VAV3: variants seen among roughly 807,000 people sequenced by gnomAD.
VAV3 encodes the protein vav guanine nucleotide exchange factor 3, also known as guanine nucleotide exchange factor VAV3.
Under a neutral mutation model 131.2 loss-of-function variants are expected in VAV3, and 94 were observed. The ratio of observed to expected loss-of-function variants is 0.72; its 90% CI spans 0.61 to 0.85. The LOEUF (loss-of-function observed/expected upper bound fraction) is 0.85, where lower values mean the gene tolerates loss of function less well. Ranked by LOEUF, VAV3 falls within the 40% of genes least tolerant of loss-of-function variation. VAV3 has a pLI of 0.00. For missense variants in VAV3, 939 were observed against 1,002.7 expected (o/e 0.94, Z 0.86); for synonymous variants, 349 against 342.0 (o/e 1.02, Z -0.22).
chr1:107,615,817 T>A (rs112526196), intron 21 of VAV3, among the ~76,000 whole-genome samples: 2,576 of 152,134 alleles, frequency 0.017, 78 homozygotes, highest in African/African-American at 0.059. Context: ...AAAGAAGACA[T>A]ACATATAATT....
chr1:107,744,906 T>A (rs1354908423), intron 15 of VAV3, among the ~76,000 whole-genome samples: 1 of 152,210 alleles, frequency 6.6e-6, no homozygotes, highest in Non-Finnish European at 1.5e-5. Flanking sequence ...ATCAAACTTG[T>A]ACACATTTGC....
chr1:107,599,625 A>G (rs540974182), intron 24 of VAV3, among the ~76,000 whole-genome samples: 6 of 152,228 alleles, frequency 3.9e-5, no homozygotes, highest in Admixed American at 2.6e-4. Context: ...TTAATGACTA[A>G]GAAAGACAAA....
chr1:107,605,961 C>T (rs999630436), intron 22 of VAV3, among the ~76,000 whole-genome samples: 1 of 152,112 alleles, frequency 6.6e-6, no homozygotes, highest in African/African-American at 2.4e-5. Context: ...TCTCTGGAGC[C>T]TTTTCTTCTG....
rs143256751 is a variant in VAV3, at chr1:107,674,027, A to C, written c.1777+9461T>G. Among the ~76,000 whole-genome samples the C allele has an allele frequency of 1.2e-3, 190 of 152,328 alleles. 7 individuals are homozygous for C. In the East Asian group the frequency reaches 0.036, roughly 29 times the overall value. On this transcript the variant is annotated intron_variant, in intron 19 of 26. Transcript: ENST00000370056. ...AATAATACTTGGACAACAAATATCT[A>C]TTGTATTTCTGTCACTACTGCAGTT...
At chr1:107,756,751 GA>G (rs1664122691) in intron 11 of VAV3, among the ~76,000 whole-genome samples, 1 of 151,948 alleles carries the variant, frequency 6.6e-6, no homozygotes, top group South Asian at 2.1e-4. Flanking sequence ...TGAACAAACT[GA>G]AATTCACTTG....
intron 1 of VAV3, among the ~76,000 whole-genome samples, chr1:107,902,142 T>C (rs144433159): frequency 1.0e-3 from 159 of 152,318 alleles, no homozygotes; most frequent in African/African-American, 3.6e-3. Context: ...AAGCATGCCT[T>C]AAACTAAGAA....
intron 1 of VAV3, among the ~76,000 whole-genome samples, chr1:107,901,821 T>C (rs1475018232): frequency 6.6e-6 from 1 of 152,060 alleles, no homozygotes; most frequent in African/African-American, 2.4e-5. Flanking sequence ...GGCGGGTGGA[T>C]CACCTGAGGT....
intron 25 of VAV3, among the ~76,000 whole-genome samples, chr1:107,590,371 A>G (rs1650852262): frequency 6.6e-6 from 1 of 152,190 alleles, no homozygotes; most frequent in African/African-American, 2.4e-5. Flanking sequence ...GGCATGTGCA[A>G]AAGTACAATT....
rs141082361 is a variant in VAV3, at chr1:107,707,089, G to T, written c.1503-2028C>A. Among the ~76,000 whole-genome samples, 711 of 152,290 alleles carry T rather than the reference G, an allele frequency of 4.7e-3. 2 individuals are homozygous for T. Among genetic ancestry groups the T allele is most frequent in the Non-Finnish European group, 7.6e-3 (518 of 68,024 alleles). On this transcript the variant is annotated intron_variant, in intron 15 of 26. Transcript: ENST00000370056. ...TTACAAAAAAATTATGATGAAAAAGGTTCTGAAAATATTGTTAACAGTAGC... is the reference window on the plus strand; with the variant it reads ...TTACAAAAAAATTATGATGAAAAAGTTTCTGAAAATATTGTTAACAGTAGC...
chr1:107,753,493 T>TACACACATATATATAC lies in VAV3; in HGVS notation c.1173+1918_1173+1933dup, dbSNP rs772504104. 1.5e-4 allele frequency among the ~76,000 whole-genome samples: 17 copies of TACACACATATATATAC among 111,610 alleles called. 1 individual carries two copies. The highest frequency in any genetic ancestry group is 5.1e-4 in the African/African-American group (15 of 29,556). 73.2% of individuals were successfully genotyped at this position (111,610 alleles called of 152,430 possible). Reference sequence around the variant, plus strand: ...GTATGTATGTGTGTGTGTATATATATACACACATATATATACACACATATA... The same window carrying TACACACATATATATAC: ...GTATGTATGTGTGTGTGTATATATATACACACATATATATACACACACATATATATACACACATATA... On this transcript the variant is annotated intron_variant, in intron 12 of 26. Transcript: ENST00000370056.
chr1:107,625,628 G>A (rs140469741), intron 20 of VAV3, among the ~76,000 whole-genome samples: 3 of 152,272 alleles, frequency 2.0e-5, no homozygotes, highest in East Asian at 3.9e-4. Context: ...TCTTAGTGAC[G>A]TTTTTAACTC....
chr1:107,583,017 A>G (rs2101015600), intron 25 of VAV3, among the ~76,000 whole-genome samples: 1 of 152,272 alleles, frequency 6.6e-6, no homozygotes, highest in African/African-American at 2.4e-5. Context: ...GAACTAGTTT[A>G]CAGTCCCACC....
chr1:107,666,755 A>G (rs1199570420), intron 19 of VAV3, among the ~76,000 whole-genome samples: 1 of 152,036 alleles, frequency 6.6e-6, no homozygotes, highest in Non-Finnish European at 1.5e-5. Context: ...TATATAAATT[A>G]TGTGCCAGTC....
chr1:107,639,726 T>C (rs963816515), intron 20 of VAV3, among the ~76,000 whole-genome samples: 19 of 152,112 alleles, frequency 1.2e-4, no homozygotes, highest in African/African-American at 4.3e-4. Context: ...GGAGGGATGC[T>C]TGAGGCCAGG....
chr1:107,753,538 A>ATG lies in VAV3; in HGVS notation c.1173+1888_1173+1889insCA, dbSNP rs1362238322. ...CATATATATATATACGTATATATAT[A>ATG]TATATATATATACACACACACACTT... On this transcript the variant is annotated intron_variant, in intron 12 of 26. Transcript: ENST00000370056. 4.5e-3 allele frequency among the ~76,000 whole-genome samples: 418 copies of ATG among 93,090 alleles called. 2 individuals carry two copies. The highest frequency in any genetic ancestry group is 5.4e-3 in the Admixed American group (50 of 9,186). The allele number at this position is 93,090 out of a possible 152,430, so 61.1% of individuals were successfully genotyped here.
At position 107,642,762 on chromosome 1, in the gene VAV3, A is replaced by G; in HGVS notation, c.1778-7T>C. On this transcript the variant is annotated splice_polypyrimidine_tract_variant and splice_region_variant and intron_variant, in intron 19 of 26. Transcript: ENST00000370056. ...ACCTGCATCTTTGGTAAACCTGAAA[A>G]TAAGCCAAACAAGTTTTAGAATTGA... is the stretch of plus-strand genomic sequence containing the variant. 1 of 1,613,276 alleles carries G rather than the reference A, an allele frequency of 6.2e-7. No homozygotes were observed. Among genetic ancestry groups the G allele is most frequent in the Non-Finnish European group, 8.5e-7 (1 of 1,179,520 alleles).
intron 2 of VAV3, among the ~76,000 whole-genome samples, chr1:107,869,862 C>T (rs1468662774): frequency 6.6e-6 from 1 of 152,172 alleles, no homozygotes; most frequent in African/African-American, 2.4e-5. Context: ...ATCCTCATAG[C>T]TTAGCTCCCA....
intron 1 of VAV3, among the ~76,000 whole-genome samples, chr1:107,877,981 C>T (rs533094387): frequency 6.6e-6 from 1 of 152,250 alleles, no homozygotes; most frequent in South Asian, 2.1e-4. Context: ...TGCCAGCAGT[C>T]CACTCCAGGA....
At chr1:107,651,078 C>T (rs913413234) in intron 19 of VAV3, among the ~76,000 whole-genome samples, 2 of 152,026 alleles carry the variant, frequency 1.3e-5, no homozygotes, top group Non-Finnish European at 2.9e-5. Flanking sequence ...GTAAAAGAGG[C>T]CCTAGAGAGC....
Sources: gnomAD v4.1 joint callset for allele counts (sites outside exome capture counted in the v4.1 genomes callset) on GRCh38, gnomAD v4.1.1 for gene constraint, MANE v1.5 for transcripts, NCBI Gene and HGNC (gene_info 2026-07-23, HGNC 2026-07-21) for gene names.